The following FKBP5 variants were observed in gnomAD, a reference collection of about 807,000 sequenced individuals.
FKBP5 encodes peptidyl-prolyl cis-trans isomerase FKBP5.
In FKBP5, 23 loss-of-function variants were observed where a neutral mutation model predicts 50.5. The ratio of observed to expected loss-of-function variants is 0.46; its 90% confidence interval spans 0.33 to 0.65. The LOEUF is 0.65. FKBP5 is among the 30% of genes least tolerant of loss of function. The pLI is 0.02. For synonymous variants in FKBP5, 176 were observed against 190.6 expected, an observed-to-expected ratio of 0.92 and a Z score of 0.63; for missense variants, 411 against 553.1, an observed-to-expected ratio of 0.74 and a Z score of 2.58.
chr6:35,607,930 A>G (rs72913423), intron 5 of FKBP5: 10,404 of 161,596 alleles, frequency 0.064, 480 homozygotes, highest in Admixed American at 0.12. Context: ...GCTGCCAAGG[A>G]CTGAGCACTC....
At chr6:35,583,221 C>T in intron 8 of FKBP5, 2 of 985,440 alleles carry the variant, frequency 2.0e-6, no homozygotes, top group Non-Finnish European at 2.4e-6. Flanking sequence ...CTCATTTCTT[C>T]ATCCTCTCTC....
At chr6:35,635,870 A>G (rs899820083) in intron 3 of FKBP5, among the ~76,000 whole-genome samples, 1 of 152,218 alleles carries the variant, frequency 6.6e-6, no homozygotes, top group African/African-American at 2.4e-5. Context: ...ACAAAGATAG[A>G]TAGTTGAAAA....
chr6:35,588,964 A>T (rs1442866681), intron 7 of FKBP5, among the ~76,000 whole-genome samples: 1 of 150,402 alleles, frequency 6.6e-6, no homozygotes, highest in Non-Finnish European at 1.5e-5. Context: ...GCTGGTTTTG[A>T]ACTCCTCGGC....
upstream of FKBP5, among the ~76,000 whole-genome samples, chr6:35,692,293 C>A (rs1381164138): frequency 6.6e-6 from 1 of 152,110 alleles, no homozygotes; most frequent in Non-Finnish European, 1.5e-5. Flanking sequence ...TCATTTGATT[C>A]TCACAATGGG....
At chr6:35,694,482 C>T (rs1210338230) in intron 2 of FKBP5, among the ~76,000 whole-genome samples, 1 of 152,170 alleles carries the variant, frequency 6.6e-6, no homozygotes, top group Non-Finnish European at 1.5e-5. Flanking sequence ...TCTCATGTCA[C>T]CATATACCTG....
chr6:35,596,929 A>G (rs1021336785), intron 6 of FKBP5, among the ~76,000 whole-genome samples: 5 of 152,156 alleles, frequency 3.3e-5, no homozygotes, highest in African/African-American at 1.2e-4. Context: ...AGAAAAGGGA[A>G]GAGGGGGTAA....
chr6:35,576,500 T>C (rs1284153924), intron 10 of FKBP5, among the ~76,000 whole-genome samples: 1 of 152,092 alleles, frequency 6.6e-6, no homozygotes, highest in African/African-American at 2.4e-5. Flanking sequence ...AGTGAAACCC[T>C]ATCTTTACAA....
Position 35,587,101 on chromosome 6 carries a change from T to G in FKBP5, c.773A>C (p.Glu258Ala). ...CTCCAATTTTTCTTTGGTATCCATC[T>G]CCCAGGATTCTTTGGCCTGTGTGTA... ...KSFEKAKESW[E>A]MDTKEKLEQA... Residue 258 changes from glutamate to alanine, a missense_variant, in exon 8 of 11, where the codon GAG becomes GCG. Coordinates refer to ENST00000357266, the MANE Select transcript of FKBP5 (RefSeq NM_004117.4). 6.2e-7 allele frequency: 1 copy of G among 1,614,104 alleles called. No homozygotes were observed. Among genetic ancestry groups the G allele is most frequent in the Non-Finnish European group, 8.5e-7 (1 of 1,179,958 alleles).
chr6:35,670,358 A>T (rs1765351171), intron 1 of FKBP5, among the ~76,000 whole-genome samples: 1 of 152,188 alleles, frequency 6.6e-6, no homozygotes, highest in Non-Finnish European at 1.5e-5. Context: ...AGGATTCAAA[A>T]TTTTTTAATG....
intron 1 of FKBP5, chr6:35,664,715 C>A (rs1308984525): frequency 6.5e-6 from 1 of 154,088 alleles, no homozygotes. Flanking sequence ...AGAACTCATC[C>A]ACTCTTAATT....
chr6:35,703,497 T>C (rs888701543), intron 2 of FKBP5, among the ~76,000 whole-genome samples: 2 of 152,214 alleles, frequency 1.3e-5, no homozygotes, highest in Non-Finnish European at 2.9e-5. Flanking sequence ...TTGATCATTA[T>C]ACATTCCATG....
intron 3 of FKBP5, among the ~76,000 whole-genome samples, chr6:35,620,946 AAT>A (rs1340833959): frequency 4.6e-5 from 7 of 152,324 alleles, no homozygotes; most frequent in African/African-American, 7.2e-5. Context: ...AGTATTGAAA[AAT>A]AGAGTGTGTC....
At chr6:35,721,313 C>T (rs1384619030) in intron 1 of FKBP5, among the ~76,000 whole-genome samples, 2 of 151,672 alleles carry the variant, frequency 1.3e-5, no homozygotes, top group Non-Finnish European at 2.9e-5. Flanking sequence ...GATCATGCCA[C>T]TGCACTCACA....
At chr6:35,581,978 A>G in intron 8 of FKBP5, 1 of 985,516 alleles carries the variant, frequency 1.0e-6, no homozygotes, top group Non-Finnish European at 1.2e-6. Flanking sequence ...CTAAGAGGAC[A>G]TGCCTGTGAT....
At chr6:35,718,855 A>G (rs987850266) in intron 2 of FKBP5, among the ~76,000 whole-genome samples, 3 of 152,222 alleles carry the variant, frequency 2.0e-5, no homozygotes, top group African/African-American at 7.2e-5. Flanking sequence ...GGAAGGCAAG[A>G]AAAACAAATA....
intron 5 of FKBP5, among the ~76,000 whole-genome samples, chr6:35,615,155 T>TACACACAC (rs34301531): frequency 0.016 from 2,234 of 143,488 alleles, 49 homozygotes; most frequent in East Asian, 0.035. Context: ...CAACAACAAC[T>TACACACAC]ACACACACAC....
chr6:35,590,017 G>A (rs1275668929), intron 7 of FKBP5, among the ~76,000 whole-genome samples: 2 of 152,150 alleles, frequency 1.3e-5, no homozygotes, highest in Non-Finnish European at 2.9e-5. Flanking sequence ...GCTTAATGTG[G>A]TCAGGCACAG....
chr6:35,666,420 G>A (rs1056912026), intron 1 of FKBP5, among the ~76,000 whole-genome samples: 13 of 29,212 alleles, frequency 4.5e-4, no homozygotes, highest in East Asian at 1.3e-3. Context: ...AAAAAAAAAA[G>A]GAGGGGAGTG....
At chr6:35,682,098 T>A (rs1765683631) in intron 1 of FKBP5, among the ~76,000 whole-genome samples, 1 of 128,344 alleles carries the variant, frequency 7.8e-6, no homozygotes, top group Non-Finnish European at 1.5e-5. Context: ...TTTTCTCTTG[T>A]AACAAACATC....
Sources: gnomAD v4.1 joint callset for allele counts (sites outside exome capture counted in the v4.1 genomes callset) on GRCh38, gnomAD v4.1.1 for gene constraint, MANE v1.5 for transcripts, NCBI Gene and HGNC (gene_info 2026-07-23, HGNC 2026-07-21) for gene names.